The following RPL37 variants were observed in gnomAD, a reference collection of about 807,000 sequenced individuals.
The protein encoded by RPL37 is ribosomal protein L37.
In RPL37, 1 loss-of-function variant was observed where a neutral mutation model predicts 14.8. The observed-to-expected ratio is 0.07, with a 90% confidence interval of 0.02 to 0.32. RPL37 has a LOEUF of 0.32. RPL37 is among the 10% of genes least tolerant of loss of function. RPL37 has a pLI of 1.00. For synonymous variants in RPL37, 53 were observed against 45.8 expected (o/e 1.16, Z -0.63); for missense variants, 100 against 128.3 (o/e 0.78, Z 1.06).
rs1302880824 is a variant in RPL37, at chr5:40,829,103, C to T, written c.*3401G>A. ...TATCAAATCTCAGTGTTCTCATTTTCATGCTTAAATTATACAGAAATGGGA... is the reference window on the plus strand; with the variant it reads ...TATCAAATCTCAGTGTTCTCATTTTTATGCTTAAATTATACAGAAATGGGA... On this transcript the variant is annotated 3_prime_UTR_variant, in exon 4 of 4. Transcript: ENST00000274242. 6.6e-6 allele frequency: 1 copy of T among 152,192 alleles called. No individual in the cohort carries two copies. Among genetic ancestry groups the T allele is most frequent in the Admixed American group, 6.6e-5 (1 of 15,264 alleles). 9.4% of individuals were successfully genotyped at this position (152,192 alleles called of 1,614,324 possible).
Position 40,830,537 on chromosome 5 carries a change from A to AC in RPL37, c.*1966dup. ...TTTTGAGGTGGAGTCTCACTGTGCC[A>AC]CCAGGCTGGAGCACAGTGGCATGAT... On this transcript the variant is annotated 3_prime_UTR_variant, in exon 4 of 4. Coordinates refer to ENST00000274242, the MANE Select transcript of RPL37 (RefSeq NM_000997.5). The AC allele has an allele frequency of 6.7e-6, 1 of 148,544 alleles. No individual in the cohort carries two copies. Among genetic ancestry groups the AC allele is most frequent in the South Asian group, 2.1e-4 (1 of 4,684 alleles). 9.2% of individuals were successfully genotyped at this position (148,544 alleles called of 1,614,324 possible).
chr5:40,825,360 T>C lies in RPL37; in HGVS notation c.*7144A>G. The C allele has an allele frequency of 6.6e-6, 1 of 152,076 alleles. No homozygotes were observed. Among genetic ancestry groups the C allele is most frequent in the East Asian group, 1.9e-4 (1 of 5,200 alleles). 9.4% of individuals were successfully genotyped at this position (152,076 alleles called of 1,614,324 possible). On this transcript the variant is annotated 3_prime_UTR_variant, in exon 4 of 4. Coordinates refer to ENST00000274242, the MANE Select transcript of RPL37 (RefSeq NM_000997.5). ...ACATAACTTTAACAGATAATCTCTG[T>C]ATCTTAGTTTTTGCCTTTGCAAAAC...
Position 40,831,517 on chromosome 5 carries a change from T to C in RPL37, c.*987A>G, listed in dbSNP as rs1745639438. Reference sequence around the variant, plus strand: ...CCAAGGCCAGGTTAAGAACCTCAGATGTTATTCTAAACACAGTGGAGAATT... The same window carrying C: ...CCAAGGCCAGGTTAAGAACCTCAGACGTTATTCTAAACACAGTGGAGAATT... On this transcript the variant is annotated 3_prime_UTR_variant, in exon 4 of 4. Transcript: ENST00000274242. The C allele has an allele frequency of 6.6e-6, 1 of 152,354 alleles. No homozygotes were observed. The highest frequency in any genetic ancestry group is 2.1e-4 in the South Asian group (1 of 4,832). The allele number at this position is 152,354 out of a possible 1,614,324, so 9.4% of individuals were successfully genotyped here.
At position 40,828,335 on chromosome 5, in the gene RPL37, A is replaced by C. The variant is rs768058839; in HGVS notation, c.*4169T>G. The C allele has an allele frequency of 6.6e-6, 1 of 152,220 alleles. No homozygotes were observed. Among genetic ancestry groups the C allele is most frequent in the African/African-American group, 2.4e-5 (1 of 41,448 alleles). The allele number at this position is 152,220 out of a possible 1,614,324, so 9.4% of individuals were successfully genotyped here. A position where few individuals can be genotyped will look rare whatever the true frequency, so the allele number is the denominator to read the frequency against. ...TGTCACCTTCCACAAACATACATAC[A>C]GTATATACATGATTGAAATCTGTCA... is the stretch of plus-strand genomic sequence containing the variant. On this transcript the variant is annotated 3_prime_UTR_variant, in exon 4 of 4. Transcript: ENST00000274242.
rs1333299187 is a variant in RPL37, at chr5:40,831,565, G to T, written c.*939C>A. On this transcript the variant is annotated 3_prime_UTR_variant, in exon 4 of 4. Transcript: ENST00000274242. The stretch of plus-strand genomic sequence containing the variant: ...ATTATAATTTAAATAGCATGACTTG[G>T]CTACATCACTATTTTATGTAGCTGT... 1 of 152,172 alleles carries T rather than the reference G, an allele frequency of 6.6e-6. No individual in the cohort carries two copies. Among genetic ancestry groups the T allele is most frequent in the Non-Finnish European group, 1.5e-5 (1 of 68,008 alleles). 9.4% of individuals were successfully genotyped at this position (152,172 alleles called of 1,614,324 possible).
At chr5:40,834,136 A>C (rs778274444) in intron 3 of RPL37, 45 bp downstream of exon 3, 20 of 1,337,252 alleles carry the variant, frequency 1.5e-5, no homozygotes, top group Non-Finnish European at 2.0e-5. Flanking sequence ...CGAGGGTTTC[A>C]TTCAAGCCCA....
intron 1 of RPL37, 139 bp from the exon 2 acceptor site, chr5:40,834,745 G>A (rs1305649788): frequency 3.5e-5 from 34 of 984,654 alleles, no homozygotes; most frequent in Admixed American, 2.7e-5. Context: ...TTCCACGAAT[G>A]CCAAGTCAGA....
At position 40,832,741 on chromosome 5, in the gene RPL37, T is replaced by TCTTTA. The variant is rs3840322; in HGVS notation, c.225-169_225-168insTAAAG. On this transcript the variant is annotated intron_variant, in intron 3 of 3. Coordinates refer to ENST00000274242, the MANE Select transcript of RPL37 (RefSeq NM_000997.5). ...TACAACATCACTGATAAGCTGAAATTCTTCACTTTGCTTAAAGATACCCAT... is the reference window on the plus strand; with the variant it reads ...TACAACATCACTGATAAGCTGAAATTCTTTACTTCACTTTGCTTAAAGATACCCAT... 5.4e-3 allele frequency: 4,053 copies of TCTTTA among 752,038 alleles called. 83 individuals are homozygous for TCTTTA. Among genetic ancestry groups the TCTTTA allele is most frequent in the African/African-American group, 0.043 (2,546 of 58,530 alleles). 46.6% of individuals were successfully genotyped at this position (752,038 alleles called of 1,614,324 possible).
rs1255370772 is a variant in RPL37, at chr5:40,827,327, G to A, written c.*5177C>T. 6.6e-6 allele frequency: 1 copy of A among 152,136 alleles called. No individual in the cohort carries two copies. Among genetic ancestry groups the A allele is most frequent in the Non-Finnish European group, 1.5e-5 (1 of 68,060 alleles). 9.4% of individuals were successfully genotyped at this position (152,136 alleles called of 1,614,324 possible). A position where few individuals can be genotyped will look rare whatever the true frequency, so the allele number is the denominator to read the frequency against. On this transcript the variant is annotated 3_prime_UTR_variant, in exon 4 of 4. Transcript: ENST00000274242. ...GCTCACAGCTCCAGAAAAGTATAAG[G>A]AGAAAGCTGAAATCAGAGGAATCGT... is the stretch of plus-strand genomic sequence containing the variant.
rs1745650160 is a variant in RPL37, at chr5:40,832,004, A to G, written c.*500T>C. On this transcript the variant is annotated 3_prime_UTR_variant, in exon 4 of 4. Transcript: ENST00000274242. ...AAGTCAGGTGTGCCAAGTGAGCATT[A>G]CAGATACTAGGATAAGATCATCTTT... 6.1e-6 allele frequency: 1 copy of G among 164,050 alleles called. No homozygotes were observed. The highest frequency in any genetic ancestry group is 2.4e-5 in the African/African-American group (1 of 41,682). The allele number at this position is 164,050 out of a possible 1,614,324, so 10.2% of individuals were successfully genotyped here.
In RPL37 at chr5:40,827,336, G is replaced by A. The variant is rs1745539596; in HGVS notation, c.*5168C>T. On this transcript the variant is annotated 3_prime_UTR_variant, in exon 4 of 4. Transcript: ENST00000274242. The stretch of plus-strand genomic sequence containing the variant: ...TCCAGAAAAGTATAAGGAGAAAGCT[G>A]AAATCAGAGGAATCGTGCCCTCCAC... 1 of 152,182 alleles carries A rather than the reference G, an allele frequency of 6.6e-6. No homozygotes were observed. The allele number at this position is 152,182 out of a possible 1,614,324, so 9.4% of individuals were successfully genotyped here. A position where few individuals can be genotyped will look rare whatever the true frequency, so the allele number is the denominator to read the frequency against.
rs2270624 is a variant in RPL37 at position 40,834,273 on chromosome 5, A to G, written c.140-8T>C. On this transcript the variant is annotated splice_polypyrimidine_tract_variant and splice_region_variant and intron_variant, in intron 2 of 3. Coordinates refer to ENST00000274242, the MANE Select transcript of RPL37 (RefSeq NM_000997.5). ...CCTTGGCACTCCAGTTATCTAAAAC[A>G]TAAGTTCAGAAAAGATTTCAAACGG... is the stretch of plus-strand genomic sequence containing the variant. The G allele has an allele frequency of 1.8e-3, 2,869 of 1,613,312 alleles. 20 individuals carry two copies. The East Asian group carries it at 0.023, about 13-fold the overall frequency.
In RPL37 at chr5:40,835,163, A is replaced by T. The variant is rs1745738295; in HGVS notation, c.3+20T>A. The T allele has an allele frequency of 6.2e-7, 1 of 1,613,950 alleles. No homozygotes were observed. The highest frequency in any genetic ancestry group is 1.3e-5 in the African/African-American group (1 of 74,936). On this transcript the variant is annotated intron_variant, in intron 1 of 3. Coordinates refer to ENST00000274242, the MANE Select transcript of RPL37 (RefSeq NM_000997.5). ...GACGAGGATGGAACGCGATTCACAA[A>T]CACCACAGTCACAACTCACCATCTC...
rs1330472218 is a variant in RPL37, at chr5:40,829,847, GT to G, written c.*2656del. On this transcript the variant is annotated 3_prime_UTR_variant, in exon 4 of 4. Coordinates refer to ENST00000274242, the MANE Select transcript of RPL37 (RefSeq NM_000997.5). ...ACCACCACGCCCGGCTAATATTTTT[GT>G]ATTTTTAGTAGAGACGGGGTTTCTC... 2 of 152,044 alleles carry G rather than the reference GT, an allele frequency of 1.3e-5. No homozygotes were observed. The highest frequency in any genetic ancestry group is 2.9e-5 in the Non-Finnish European group (2 of 68,034). The allele number at this position is 152,044 out of a possible 1,614,324, so 9.4% of individuals were successfully genotyped here. A position where few individuals can be genotyped will look rare whatever the true frequency, so the allele number is the denominator to read the frequency against.
chr5:40,835,041 C>A, intron 1 of RPL37, 142 bp downstream of exon 1: 1 of 1,126,240 alleles, frequency 8.9e-7, no homozygotes, highest in Non-Finnish European at 1.3e-6. Context: ...ATTCTTCTGG[C>A]TCTTGAGGGC....
rs1281133502 is a variant in RPL37 at position 40,829,095 on chromosome 5, C to T, written c.*3409G>A. ...TACATGCCTATCAAATCTCAGTGTT[C>T]TCATTTTCATGCTTAAATTATACAG... On this transcript the variant is annotated 3_prime_UTR_variant, in exon 4 of 4. Transcript: ENST00000274242. 6.6e-6 allele frequency: 1 copy of T among 152,128 alleles called. No homozygotes were observed. The highest frequency in any genetic ancestry group is 1.5e-5 in the Non-Finnish European group (1 of 68,036). The allele number at this position is 152,128 out of a possible 1,614,324, so 9.4% of individuals were successfully genotyped here.
In RPL37 at chr5:40,829,625, A is replaced by G. The variant is rs2112152385; in HGVS notation, c.*2879T>C. 1 of 151,826 alleles carries G rather than the reference A, an allele frequency of 6.6e-6. No individual in the cohort carries two copies. Among genetic ancestry groups the G allele is most frequent in the South Asian group, 2.1e-4 (1 of 4,798 alleles). The allele number at this position is 151,826 out of a possible 1,614,324, so 9.4% of individuals were successfully genotyped here. ...CTATTGAGTGACAAACTCCTTTCCAATGCTCTCACAGAAACTCATGCATTT... is the reference window on the plus strand; with the variant it reads ...CTATTGAGTGACAAACTCCTTTCCAGTGCTCTCACAGAAACTCATGCATTT... On this transcript the variant is annotated 3_prime_UTR_variant, in exon 4 of 4. Coordinates refer to ENST00000274242, the MANE Select transcript of RPL37 (RefSeq NM_000997.5).
At position 40,826,711 on chromosome 5, in the gene RPL37, A is replaced by G. The variant is rs973389546; in HGVS notation, c.*5793T>C. 1.3e-5 allele frequency: 2 copies of G among 152,082 alleles called. No individual in the cohort carries two copies. The highest frequency in any genetic ancestry group is 2.4e-5 in the African/African-American group (1 of 41,372). The allele number at this position is 152,082 out of a possible 1,614,324, so 9.4% of individuals were successfully genotyped here. A position where few individuals can be genotyped will look rare whatever the true frequency, so the allele number is the denominator to read the frequency against. ...ACCAGATGTGTGACACTCAGGAGAG[A>G]GCCGGCATAAAATAGCCCCCAGAGG... On this transcript the variant is annotated 3_prime_UTR_variant, in exon 4 of 4. Transcript: ENST00000274242.
Position 40,832,542 on chromosome 5 carries a change from G to C in RPL37, c.256C>G (p.Pro86Ala). The C allele has an allele frequency of 6.2e-7, 1 of 1,614,016 alleles. No individual in the cohort carries two copies. Among genetic ancestry groups the C allele is most frequent in the Non-Finnish European group, 8.5e-7 (1 of 1,179,932 alleles). Reference protein sequence around the residue: ...HGFREGTTPKPKRAAVAASSS... With the variant: ...HGFREGTTPKAKRAAVAASSS... Reference sequence around the variant, plus strand: ...GATGCTGCAACAGCTGCCCTCTTGGGTTTAGGTGTTGTTCCTTCACGGAAT... The same window carrying C: ...GATGCTGCAACAGCTGCCCTCTTGGCTTTAGGTGTTGTTCCTTCACGGAAT... The change falls in exon 4 of 4, where the codon CCC (proline) becomes GCC (alanine). Residue 86 changes from proline to alanine, a missense_variant. Pro to Ala is a conservative substitution (Grantham distance 27). Around this residue, in one of 2 missense-constraint regions of RPL37, gnomAD observed 74 missense variants for 69.9 expected, o/e 1.06. Coordinates refer to ENST00000274242, the MANE Select transcript of RPL37 (RefSeq NM_000997.5).
Sources: gnomAD v4.1 joint callset for allele counts on GRCh38, gnomAD v4.1.1 for gene constraint, gnomAD v4.1.1 regional missense constraint, MANE v1.5 for transcripts, NCBI Gene and HGNC (gene_info 2026-07-23, HGNC 2026-07-21) for gene names.